The following ABCB11 variants were observed in gnomAD, a reference collection of about 807,000 sequenced individuals.
ABCB11 encodes bile salt export pump.
Under a neutral mutation model 148.0 loss-of-function variants are expected in ABCB11, and 95 were observed. That is an observed-to-expected ratio of 0.64 (90% CI 0.54 to 0.76). The LOEUF (loss-of-function observed/expected upper bound fraction) is 0.76. Among genes scored for constraint, ABCB11 ranks in the 30% least tolerant of loss-of-function variants. ABCB11 has a pLI of 0.00. For synonymous variants in ABCB11, 591 were observed against 555.4 expected, an observed-to-expected ratio of 1.06 and a Z score of -0.90; for missense variants, 1,523 against 1,617.8, an observed-to-expected ratio of 0.94 and a Z score of 1.01.
chr2:168,973,767 T>C lies in ABCB11; in HGVS notation c.1382A>G (p.Lys461Arg), dbSNP rs1203107162. The change falls in exon 13 of 28, where the codon AAA becomes AGA. Residue 461 changes from lysine (K) to arginine (R), a missense_variant. Lys to Arg is a conservative substitution (Grantham distance 26). Transcript: ENST00000650372. ...TALVGPSGAG[K>R]STALQLIQRF... ...CTGAATGAGTTGCAGTGCTGTACTTTTTCCAGCTCCACTGGGTCCTACCAG... is the reference window on the plus strand; with the variant it reads ...CTGAATGAGTTGCAGTGCTGTACTTCTTCCAGCTCCACTGGGTCCTACCAG... The C allele has an allele frequency of 1.2e-6, 2 of 1,612,352 alleles. No individual in the cohort carries two copies. The highest frequency in any genetic ancestry group is 1.1e-5 in the South Asian group (1 of 91,058).
intron 10 of ABCB11, among the ~76,000 whole-genome samples, chr2:168,981,088 T>C (rs900281397): frequency 6.6e-6 from 1 of 152,172 alleles, no homozygotes; most frequent in African/African-American, 2.4e-5. Context: ...ATGGTTTCTA[T>C]AGGCCAGACC....
rs767002817 is a variant in ABCB11 at position 168,990,801 on chromosome 2, C to T, written c.908G>A (p.Arg303Lys). ...AFGGEKREVE[R>K]YEKNLVFAQR... ...AAGAATCAGATTCCAATTAACCAACCTTTCAACCTCTCTTTTCTCACCACC... is the reference window on the plus strand; with the variant it reads ...AAGAATCAGATTCCAATTAACCAACTTTTCAACCTCTCTTTTCTCACCACC... Residue 303 changes from arginine to lysine, a missense_variant and splice_region_variant, in exon 9 of 28, where the codon AGG (arginine) becomes AAG (lysine). Coordinates refer to ENST00000650372, the MANE Select transcript of ABCB11 (RefSeq NM_003742.4). 2 of 1,612,566 alleles carry T rather than the reference C, an allele frequency of 1.2e-6. No individual in the cohort carries two copies. The highest frequency in any genetic ancestry group is 1.7e-6 in the Non-Finnish European group (2 of 1,179,114).
intron 21 of ABCB11, among the ~76,000 whole-genome samples, chr2:168,943,943 C>T (rs1289929091): frequency 6.6e-6 from 1 of 151,698 alleles, no homozygotes; most frequent in African/African-American, 2.4e-5. Context: ...AAAATTTTCA[C>T]AGAAAGTGGG....
chr2:168,930,781 G>C lies in ABCB11; in HGVS notation c.3295C>G (p.Leu1099Val). 6.2e-7 allele frequency: 1 copy of C among 1,613,668 alleles called. No individual in the cohort carries two copies. Among genetic ancestry groups the C allele is most frequent in the South Asian group, 1.1e-5 (1 of 90,964 alleles). Reference protein sequence around the residue: ...SRPDSQVLNGLSVSISPGQTL... With the variant: ...SRPDSQVLNGVSVSISPGQTL... ...TGCCCTGGACTAATCGACACTGAGA[G>C]ACCATTCAGAACTTGCGAGTCAGGT... The change falls in exon 25 of 28, where the codon CTC becomes GTC. Residue 1099 changes from leucine to valine, a missense_variant. Physicochemically the swap from Leu to Val is conservative, Grantham distance 32. Transcript: ENST00000650372.
intron 10 of ABCB11, among the ~76,000 whole-genome samples, chr2:168,984,557 A>G (rs1220807784): frequency 6.6e-6 from 1 of 152,122 alleles, no homozygotes; most frequent in Non-Finnish European, 1.5e-5. Context: ...CATTTTAGTA[A>G]CTCATTATGT....
Position 168,955,820 on chromosome 2 carries a change from T to C in ABCB11, c.2343+2144A>G, listed in dbSNP as rs2105930883. On this transcript the variant is annotated intron_variant, in intron 19 of 27. Coordinates refer to ENST00000650372, the MANE Select transcript of ABCB11 (RefSeq NM_003742.4). ...GTAAAATCAAAAATAAGTTTGTTAC[T>C]TCCCAGATAAAATGGGGGTACAAGC... is the stretch of plus-strand genomic sequence containing the variant. 1.3e-5 allele frequency among the ~76,000 whole-genome samples: 2 copies of C among 151,798 alleles called. 1 individual carries two copies. The highest frequency in any genetic ancestry group is 1.3e-4 in the Admixed American group (2 of 15,228).
chr2:168,996,619 C>T lies in ABCB11; in HGVS notation c.477+16G>A, dbSNP rs11568378. The T allele has an allele frequency of 0.01, 14,630 of 1,408,792 alleles. 1,061 individuals carry two copies. The African/African-American group carries it at 0.17, about 16-fold the overall frequency. The allele number at this position is 1,408,792 out of a possible 1,614,324, so 87.3% of individuals were successfully genotyped here. On this transcript the variant is annotated intron_variant, in intron 6 of 27. Coordinates refer to ENST00000650372, the MANE Select transcript of ABCB11 (RefSeq NM_003742.4). ...GTCAGATATTGATCTATAAATTATA[C>T]GGAGGAGCTACTAACTTGAATATAT...
chr2:168,999,080 C>A (rs1389763000), intron 5 of ABCB11, among the ~76,000 whole-genome samples: 5 of 151,998 alleles, frequency 3.3e-5, no homozygotes, highest in Non-Finnish European at 7.4e-5. Flanking sequence ...ATTTGGACCA[C>A]AGAATGGCAT....
At chr2:168,969,254 G>A (rs1316166977) in intron 16 of ABCB11, 96 bp downstream of exon 16, 1 of 1,173,862 alleles carries the variant, frequency 8.5e-7, no homozygotes, top group African/African-American at 1.5e-5. Flanking sequence ...AGAGTTGTTG[G>A]GAGAACAGTG....
intron 26 of ABCB11, among the ~76,000 whole-genome samples, chr2:168,925,066 CCTT>C (rs769841647): frequency 1.8e-4 from 27 of 152,274 alleles, no homozygotes; most frequent in Middle Eastern, 3.4e-3. Flanking sequence ...TTTTCAATCT[CCTT>C]CTCCCTGTGT....
Position 168,921,048 on chromosome 2 carries a change from A to G in ABCB11, c.*2574T>C, listed in dbSNP as rs2105869488. Among the ~76,000 whole-genome samples, 1 of 152,326 alleles carries G rather than the reference A, an allele frequency of 6.6e-6. No individual in the cohort carries two copies. Among genetic ancestry groups the G allele is most frequent in the East Asian group, 1.9e-4 (1 of 5,180 alleles). On this transcript the variant is annotated 3_prime_UTR_variant, in exon 28 of 28. Transcript: ENST00000650372. ...TCTTTGAAATGCAAACCAAAACAAG[A>G]GCTTTAGTCTTTCATCAAAATTAGA...
At chr2:168,977,560 C>T (rs1053752735) in intron 11 of ABCB11, among the ~76,000 whole-genome samples, 1 of 152,168 alleles carries the variant, frequency 6.6e-6, no homozygotes, top group East Asian at 1.9e-4. Flanking sequence ...GCATCATCTT[C>T]TTCCCTTGTC....
rs1443562207 is a variant in ABCB11, at chr2:168,968,463, C to T, written c.2039G>A (p.Arg680Lys). 12 of 1,610,982 alleles carry T rather than the reference C, an allele frequency of 7.4e-6. 1 individual carries two copies. Among genetic ancestry groups the T allele is most frequent in the East Asian group, 6.7e-5 (3 of 44,656 alleles). ...CTGGTAGCTCCCTCTGCTAAAGGTC[C>T]TCGCAAGCATGTCATCTTCAGTTGC... ...KDATEDDMLA[R>K]TFSRGSYQDS... The change falls in exon 17 of 28, where the codon AGG becomes AAG. Residue 680 changes from arginine (R) to lysine (K), a missense_variant. Transcript: ENST00000650372.
chr2:168,944,687 T>C lies in ABCB11; in HGVS notation c.2528A>G (p.Asp843Gly). Residue 843 changes from aspartate (D) to glycine (G), a missense_variant, in exon 21 of 28, where the codon GAT (aspartate) becomes GGT (glycine). Coordinates refer to ENST00000650372, the MANE Select transcript of ABCB11 (RefSeq NM_003742.4). ...TCTGAGGTCATCAAACCAGGCAATATCTTGCCCCAGCATTGCCCTGAAACC... is the reference window on the plus strand; with the variant it reads ...TCTGAGGTCATCAAACCAGGCAATACCTTGCCCCAGCATTGCCCTGAAACC... ...KFGFRAMLGQ[D>G]IAWFDDLRNS... 1 of 1,612,918 alleles carries C rather than the reference T, an allele frequency of 6.2e-7. No homozygotes were observed. The highest frequency in any genetic ancestry group is 1.7e-5 in the Admixed American group (1 of 59,890).
intron 21 of ABCB11, among the ~76,000 whole-genome samples, chr2:168,941,387 T>C (rs1248022163): frequency 2.0e-5 from 3 of 151,984 alleles, no homozygotes; most frequent in African/African-American, 7.2e-5. Context: ...TTGAAAGAAG[T>C]TGATTCCAAC....
In ABCB11 at chr2:168,923,539, T is replaced by C; in HGVS notation, c.*83A>G. The C allele has an allele frequency of 8.2e-7, 1 of 1,214,226 alleles. No homozygotes were observed. Among genetic ancestry groups the C allele is most frequent in the Admixed American group, 2.1e-5 (1 of 47,938 alleles). The allele number at this position is 1,214,226 out of a possible 1,614,324, so 75.2% of individuals were successfully genotyped here. ...TTTAAAGAAAAAACAATCCCAGCAATCCCTCCTGCTGGGATTGTTTTTTTC... is the reference window on the plus strand; with the variant it reads ...TTTAAAGAAAAAACAATCCCAGCAACCCCTCCTGCTGGGATTGTTTTTTTC... On this transcript the variant is annotated 3_prime_UTR_variant, in exon 28 of 28. Transcript: ENST00000650372.
intron 17 of ABCB11, among the ~76,000 whole-genome samples, chr2:168,968,146 G>T (rs1440972124): frequency 6.6e-6 from 1 of 151,104 alleles, no homozygotes; most frequent in Non-Finnish European, 1.5e-5. Context: ...TTTAAAAGAA[G>T]TCCCCTTTCT....
At chr2:168,995,743 T>C (rs1694692494) in intron 6 of ABCB11, among the ~76,000 whole-genome samples, 1 of 151,850 alleles carries the variant, frequency 6.6e-6, no homozygotes, top group Non-Finnish European at 1.5e-5. Context: ...TTCTGGACTT[T>C]ACCCTACAGA....
At position 169,013,529 on chromosome 2, in the gene ABCB11, C is replaced by A; in HGVS notation, c.151-19G>T. ...ACCGAAACTTGAAAAACAAAGGGTT[C>A]AGAGATCATCTATGGGTGAAGAGCA... is the stretch of plus-strand genomic sequence containing the variant. On this transcript the variant is annotated intron_variant, in intron 4 of 27. Transcript: ENST00000650372. 6.3e-7 allele frequency: 1 copy of A among 1,598,626 alleles called. No individual in the cohort carries two copies. Among genetic ancestry groups the A allele is most frequent in the Non-Finnish European group, 8.6e-7 (1 of 1,167,420 alleles).
Sources: gnomAD v4.1 joint callset for allele counts (sites outside exome capture counted in the v4.1 genomes callset) on GRCh38, gnomAD v4.1.1 for gene constraint, MANE v1.5 for transcripts, NCBI Gene and HGNC (gene_info 2026-07-23, HGNC 2026-07-21) for gene names.